The following RGS22 variants were observed in gnomAD, a reference collection of about 807,000 sequenced individuals.
RGS22 encodes the protein regulator of G-protein signaling 22.
Under a neutral mutation model 172.9 loss-of-function variants are expected in RGS22, and 148 were observed. The observed-to-expected ratio is 0.86, with a 90% CI of 0.75 to 0.98. The LOEUF is 0.98. RGS22 is among the 50% of genes least tolerant of loss of function. The pLI is 0.00. For synonymous variants in RGS22, 458 were observed against 480.2 expected (o/e 0.95, Z 0.60); for missense variants, 1,347 against 1,440.8 (o/e 0.93, Z 1.05).
rs1182748346 is a variant in RGS22 at position 100,052,971 on chromosome 8, G to T, written c.1520C>A (p.Pro507Gln). 1.9e-6 allele frequency: 3 copies of T among 1,613,146 alleles called. No individual in the cohort carries two copies. In the East Asian group the frequency reaches 6.7e-5, roughly 36 times the overall value. The change falls in exon 10 of 28, where the codon CCA becomes CAA. Residue 507 changes from proline to glutamine, a missense_variant. Coordinates refer to ENST00000360863, the MANE Select transcript of RGS22 (RefSeq NM_015668.5). Reference sequence around the variant, plus strand: ...GGCTGAATGAGTAACACAGAATCTTGGTGCCCTGTTTATTGGAAAAATAAA... The same window carrying T: ...GGCTGAATGAGTAACACAGAATCTTTGTGCCCTGTTTATTGGAAAAATAAA... ...VLKPLLLYWAPRFCVTHSAST... is the reference protein window; with the variant it reads ...VLKPLLLYWAQRFCVTHSAST...
intron 11 of RGS22, chr8:100,046,121 CACAAA>C (rs769530865): frequency 1.1e-4 from 16 of 151,964 alleles, no homozygotes; most frequent in Admixed American, 2.0e-4. Context: ...AAAAACAAGG[CACAAA>C]ACAAGTGTAT....
At position 100,019,954 on chromosome 8, in the gene RGS22, G is replaced by A. The variant is rs527602694; in HGVS notation, c.2167-11385C>T. Among the ~76,000 whole-genome samples, 80 of 28,576 alleles carry A rather than the reference G, an allele frequency of 2.8e-3. 1 individual carries two copies. Among genetic ancestry groups the A allele is most frequent in the African/African-American group, 8.8e-3 (79 of 9,012 alleles). The allele number at this position is 28,576 out of a possible 152,430, so 18.7% of individuals were successfully genotyped here. The stretch of plus-strand genomic sequence containing the variant: ...GGCTGGAGTGCAATGGTGCAATCTC[G>A]GCTCACCGCAACCTCCGTCTCCCAG... On this transcript the variant is annotated intron_variant, in intron 14 of 27. Transcript: ENST00000360863.
chr8:99,969,556 CA>C (rs1204332291), intron 23 of RGS22, among the ~76,000 whole-genome samples: 8 of 148,110 alleles, frequency 5.4e-5, no homozygotes, highest in African/African-American at 2.0e-4. Context: ...AAATGGAAAG[CA>C]AAAAAAAAGC....
intron 20 of RGS22, among the ~76,000 whole-genome samples, chr8:99,989,531 T>A (rs1160221390): frequency 6.6e-6 from 1 of 152,172 alleles, no homozygotes; most frequent in Non-Finnish European, 1.5e-5. Flanking sequence ...CAGTTATGAT[T>A]AAAATGCAGT....
Position 99,969,296 on chromosome 8 carries a change from T to C in RGS22, c.3520-3866A>G, listed in dbSNP as rs1049562834. Among the ~76,000 whole-genome samples, 5 of 152,128 alleles carry C rather than the reference T, an allele frequency of 3.3e-5. No homozygotes were observed. In the East Asian group the frequency reaches 5.8e-4, roughly 18 times the overall value. On this transcript the variant is annotated intron_variant, in intron 23 of 27. Transcript: ENST00000360863. ...CAGCCACTGCAAAAACATACCAAAATGGAAAGACCAATGACACTATGAAGA... is the reference window on the plus strand; with the variant it reads ...CAGCCACTGCAAAAACATACCAAAACGGAAAGACCAATGACACTATGAAGA...
At chr8:100,092,897 C>T (rs1812689243) in intron 3 of RGS22, among the ~76,000 whole-genome samples, 1 of 152,148 alleles carries the variant, frequency 6.6e-6, no homozygotes, top group African/African-American at 2.4e-5. Flanking sequence ...CTCTAGTTGC[C>T]TTAAATACAA....
chr8:100,102,188 T>C (rs886242371), intron 2 of RGS22, among the ~76,000 whole-genome samples: 16 of 152,240 alleles, frequency 1.1e-4, no homozygotes, highest in African/African-American at 3.4e-4. Flanking sequence ...AACTAATTAC[T>C]AGCTGTGTGA....
intron 3 of RGS22, among the ~76,000 whole-genome samples, chr8:100,088,203 CA>C (rs1366763972): frequency 6.6e-6 from 1 of 151,694 alleles, no homozygotes; most frequent in Non-Finnish European, 1.5e-5. Flanking sequence ...AGAATCAGTC[CA>C]AAAAAAGAAG....
At chr8:100,001,051 ATACAT>A (rs1161232274) in intron 18 of RGS22, among the ~76,000 whole-genome samples, 1 of 151,590 alleles carries the variant, frequency 6.6e-6, no homozygotes, top group Admixed American at 6.6e-5. Context: ...ATGATAAACT[ATACAT>A]TACATCTTTA....
chr8:100,105,208 C>T (rs555809355), intron 2 of RGS22, among the ~76,000 whole-genome samples, 166 bp downstream of exon 2: 1 of 152,228 alleles, frequency 6.6e-6, no homozygotes, highest in Admixed American at 6.5e-5. Flanking sequence ...AATTATGTGC[C>T]AGATAAAGAA....
At chr8:100,095,431 G>A (rs1017373494) in intron 2 of RGS22, among the ~76,000 whole-genome samples, 15 of 152,102 alleles carry the variant, frequency 9.9e-5, no homozygotes, top group African/African-American at 9.7e-5. Context: ...TGATCTGCCC[G>A]CCTCGGCCTC....
At chr8:100,011,446 A>G (rs549220883) in intron 14 of RGS22, among the ~76,000 whole-genome samples, 1 of 152,334 alleles carries the variant, frequency 6.6e-6, no homozygotes, top group Non-Finnish European at 1.5e-5. Flanking sequence ...TTCTTACCAC[A>G]GCAGACAGAA....
intron 3 of RGS22, among the ~76,000 whole-genome samples, chr8:100,082,244 T>G (rs1362236465): frequency 1.3e-5 from 2 of 152,104 alleles, no homozygotes; most frequent in East Asian, 3.9e-4. Context: ...TATTTTAGGT[T>G]TAAGGGGTAC....
intron 3 of RGS22, among the ~76,000 whole-genome samples, chr8:100,083,154 A>G (rs1420136387): frequency 1.3e-5 from 2 of 152,170 alleles, no homozygotes; most frequent in Non-Finnish European, 2.9e-5. Flanking sequence ...TGGAAGATGT[A>G]ATGGTTGCTT....
At chr8:100,103,936 T>C (rs533534258) in intron 2 of RGS22, among the ~76,000 whole-genome samples, 4 of 152,166 alleles carry the variant, frequency 2.6e-5, no homozygotes, top group South Asian at 2.1e-4. Context: ...GGGAAAAGAT[T>C]TGCTGGCTTC....
chr8:100,071,185 G>A (rs1810945434), intron 6 of RGS22, among the ~76,000 whole-genome samples, 184 bp downstream of exon 6: 1 of 152,172 alleles, frequency 6.6e-6, no homozygotes, highest in South Asian at 2.1e-4. Flanking sequence ...CTACTCAGGA[G>A]GCTGAGATGG....
chr8:100,023,665 G>T (rs1342508938), intron 14 of RGS22, among the ~76,000 whole-genome samples: 1 of 152,026 alleles, frequency 6.6e-6, no homozygotes, highest in Non-Finnish European at 1.5e-5. Flanking sequence ...GAACTCCTGG[G>T]GTCAAGTGAT....
At chr8:100,088,302 C>CG (rs1812310200) in intron 3 of RGS22, among the ~76,000 whole-genome samples, 1 of 152,032 alleles carries the variant, frequency 6.6e-6, no homozygotes, top group Admixed American at 6.6e-5. Flanking sequence ...ATAGAACAGG[C>CG]CACCCCTTCA....
chr8:100,082,316 T>C (rs1811825226), intron 3 of RGS22, among the ~76,000 whole-genome samples: 1 of 152,138 alleles, frequency 6.6e-6, no homozygotes, highest in Non-Finnish European at 1.5e-5. Context: ...CAGATAATTT[T>C]GTCACCCAGG....
Sources: gnomAD v4.1 joint callset for allele counts (sites outside exome capture counted in the v4.1 genomes callset) on GRCh38, gnomAD v4.1.1 for gene constraint, MANE v1.5 for transcripts, NCBI Gene and HGNC (gene_info 2026-07-23, HGNC 2026-07-21) for gene names.